The following REEP3 variants were observed in gnomAD, a reference collection of about 807,000 sequenced individuals.
REEP3 encodes the protein receptor expression-enhancing protein 3.
Under a neutral mutation model 41.3 loss-of-function variants are expected in REEP3, and 20 were observed. That is an observed-to-expected ratio of 0.48 (90% CI 0.34 to 0.70). The LOEUF (loss-of-function observed/expected upper bound fraction) is 0.70. REEP3 is among the 30% of genes least tolerant of loss of function. REEP3 has a pLI of 0.01. For missense variants in REEP3, 271 were observed against 308.8 expected (o/e 0.88, Z 0.92); for synonymous variants, 104 against 101.8 (o/e 1.02, Z -0.13).
chr10:63,571,374 G>A (rs868381677), intron 2 of REEP3, among the ~76,000 whole-genome samples: 1 of 152,140 alleles, frequency 6.6e-6, no homozygotes, highest in African/African-American at 2.4e-5. Context: ...ACCCCTTCTG[G>A]AGGGTTTAGG....
At chr10:63,597,427 A>C (rs1956125492) in intron 3 of REEP3, among the ~76,000 whole-genome samples, 2 of 152,308 alleles carry the variant, frequency 1.3e-5, no homozygotes, top group South Asian at 4.1e-4. Context: ...TGTGCACTGG[A>C]TAAATGGTAT....
chr10:63,600,549 T>C (rs1031420764), intron 5 of REEP3, among the ~76,000 whole-genome samples: 7 of 152,228 alleles, frequency 4.6e-5, no homozygotes, highest in Admixed American at 3.3e-4. Flanking sequence ...TGTTTTATTT[T>C]AGAAGTTCAT....
chr10:63,606,279 T>TTCTTTCTTTCTTTCTTTC (rs1956226239), intron 5 of REEP3, among the ~76,000 whole-genome samples: 2 of 147,736 alleles, frequency 1.4e-5, no homozygotes, highest in Admixed American at 6.7e-5. Context: ...TTCTTTCTTT[T>TTCTTTCTTTCTTTCTTTC]TCTTTCTTTC....
chr10:63,573,800 G>GTTTGTT (rs1955874304), intron 2 of REEP3, among the ~76,000 whole-genome samples: 1 of 152,116 alleles, frequency 6.6e-6, no homozygotes, highest in African/African-American at 2.4e-5. Flanking sequence ...TTCTCAAGAA[G>GTTTGTT]TGTTTCCTAG....
intron 5 of REEP3, among the ~76,000 whole-genome samples, chr10:63,606,655 G>A (rs1478964893): frequency 6.6e-6 from 1 of 152,022 alleles, no homozygotes; most frequent in East Asian, 1.9e-4. Context: ...ATCCCTTTTA[G>A]CATTGTTATT....
chr10:63,572,730 T>C (rs933401873), intron 2 of REEP3, among the ~76,000 whole-genome samples: 1 of 152,250 alleles, frequency 6.6e-6, no homozygotes, highest in African/African-American at 2.4e-5. Context: ...AATATGTTTA[T>C]GTTCCCCACC....
At chr10:63,538,503 G>A (rs924324818) in intron 1 of REEP3, among the ~76,000 whole-genome samples, 24 of 152,308 alleles carry the variant, frequency 1.6e-4, no homozygotes, top group African/African-American at 5.8e-4. Context: ...GGAGGCCAAG[G>A]CGGGCGGATC....
chr10:63,596,617 A>G (rs1327953373), intron 3 of REEP3, among the ~76,000 whole-genome samples: 2 of 152,186 alleles, frequency 1.3e-5, no homozygotes, highest in Admixed American at 6.5e-5. Flanking sequence ...AGACAACAAG[A>G]TACTGAGCCT....
chr10:63,603,312 C>CAAAA lies in REEP3; in HGVS notation c.417+4048_417+4051dup, dbSNP rs67364276. ...TGGGTGAGAGTGCAAGACTCTGTCT[C>CAAAA]AAAAAAAAAAAAAAAAAAAAAAGAC... On this transcript the variant is annotated intron_variant, in intron 5 of 7. Transcript: ENST00000373758. Among the ~76,000 whole-genome samples the CAAAA allele has an allele frequency of 6.1e-4, 38 of 62,790 alleles. 1 individual carries two copies. The highest frequency in any genetic ancestry group is 2.3e-3 in the African/African-American group (35 of 15,064). The allele number at this position is 62,790 out of a possible 152,430, so 41.2% of individuals were successfully genotyped here.
At chr10:63,608,372 G>A (rs1314371543) in intron 5 of REEP3, among the ~76,000 whole-genome samples, 1 of 152,182 alleles carries the variant, frequency 6.6e-6, no homozygotes, top group Non-Finnish European at 1.5e-5. Context: ...ATATGGAAAT[G>A]GCATTTGGTT....
chr10:63,535,874 C>T (rs1026836627), intron 1 of REEP3, among the ~76,000 whole-genome samples: 5 of 152,098 alleles, frequency 3.3e-5, no homozygotes, highest in Non-Finnish European at 7.4e-5. Flanking sequence ...GTAAAAAGTA[C>T]AGCACTTAAA....
intron 2 of REEP3, among the ~76,000 whole-genome samples, chr10:63,574,958 G>A (rs1955885798): frequency 7.3e-6 from 1 of 137,034 alleles, no homozygotes; most frequent in Non-Finnish European, 1.5e-5. Flanking sequence ...CCGGATTCAA[G>A]CAATTCTCCT....
intron 1 of REEP3, chr10:63,562,689 C>T: frequency 2.3e-6 from 1 of 441,820 alleles, no homozygotes; most frequent in African/African-American, 2.2e-5. Flanking sequence ...CAGGCATGTA[C>T]TGCCCTCTGC....
chr10:63,547,185 G>T (rs1046924242), intron 1 of REEP3, among the ~76,000 whole-genome samples: 20 of 152,172 alleles, frequency 1.3e-4, no homozygotes, highest in Non-Finnish European at 2.8e-4. Flanking sequence ...CTCCCAAAGT[G>T]CTGGGATTAC....
chr10:63,583,260 G>A (rs980722837), intron 2 of REEP3, among the ~76,000 whole-genome samples: 2 of 152,132 alleles, frequency 1.3e-5, no homozygotes, highest in African/African-American at 4.8e-5. Flanking sequence ...CAAAGTGCTG[G>A]GACTACAGGC....
At chr10:63,532,398 A>C (rs903904761) in intron 1 of REEP3, among the ~76,000 whole-genome samples, 6 of 151,956 alleles carry the variant, frequency 3.9e-5, no homozygotes, top group Admixed American at 1.3e-4. Flanking sequence ...TAAAGAAATA[A>C]AGTGCTGTAA....
chr10:63,604,061 ATTC>A (rs1461156092), intron 5 of REEP3, among the ~76,000 whole-genome samples: 1 of 152,258 alleles, frequency 6.6e-6, no homozygotes, highest in East Asian at 1.9e-4. Context: ...CAGGCTTAAA[ATTC>A]TTGGACTCTT....
chr10:63,598,186 T>C, intron 4 of REEP3, 42 bp downstream of exon 4: 2 of 1,440,800 alleles, frequency 1.4e-6, no homozygotes, highest in Non-Finnish European at 1.9e-6. Flanking sequence ...TTTTTAGAAA[T>C]GCCTAAGCGG....
intron 2 of REEP3, among the ~76,000 whole-genome samples, chr10:63,585,650 C>T (rs1432960239): frequency 6.6e-6 from 1 of 151,954 alleles, no homozygotes; most frequent in Non-Finnish European, 1.5e-5. Flanking sequence ...CACATTTTTT[C>T]TTTTTATTAT....
Sources: gnomAD v4.1 joint callset for allele counts (sites outside exome capture counted in the v4.1 genomes callset) on GRCh38, gnomAD v4.1.1 for gene constraint, MANE v1.5 for transcripts, NCBI Gene and HGNC (gene_info 2026-07-23, HGNC 2026-07-21) for gene names.